ZC3H7A: variants seen among roughly 807,000 people sequenced by gnomAD.
ZC3H7A encodes zinc finger CCCH domain-containing protein 7A.
ZC3H7A carries 44 observed loss-of-function variants against 125.5 expected under a neutral mutation model. The observed-to-expected ratio is 0.35, with a 90% CI of 0.28 to 0.45. ZC3H7A has a LOEUF of 0.45. Among genes scored for constraint, ZC3H7A ranks in the 20% least tolerant of loss-of-function variants. The pLI is 1.00. For missense variants in ZC3H7A, 977 were observed against 1,170.7 expected (o/e 0.83, Z 2.41); for synonymous variants, 399 against 391.2 (o/e 1.02, Z -0.23).
At chr16:11,781,497 C>G (rs372671425) in intron 2 of ZC3H7A, 33 bp from the exon 3 acceptor site, 1 of 1,599,986 alleles carries the variant, frequency 6.3e-7, no homozygotes, top group Non-Finnish European at 8.5e-7. Flanking sequence ...CTGTAATTAT[C>G]AAGCTCCTTA....
At chr16:11,770,280 G>C (rs2052957053) in intron 10 of ZC3H7A, among the ~76,000 whole-genome samples, 1 of 152,170 alleles carries the variant, frequency 6.6e-6, no homozygotes, top group Admixed American at 6.5e-5. Flanking sequence ...TAGGATGACA[G>C]AAACAGGAGT....
At position 11,770,764 on chromosome 16, in the gene ZC3H7A, A is replaced by C. The variant is rs774808119; in HGVS notation, c.1108+19T>G. The C allele has an allele frequency of 1.3e-6, 2 of 1,592,694 alleles. No individual in the cohort carries two copies. The highest frequency in any genetic ancestry group is 1.7e-6 in the Non-Finnish European group (2 of 1,166,192). ...AGAAAATCAACTGCAATTGTTTACA[A>C]TTTAGATTTGGTTCTTACCTCGTTT... On this transcript the variant is annotated intron_variant, in intron 10 of 22. Coordinates refer to ENST00000355758, the MANE Select transcript of ZC3H7A (RefSeq NM_014153.4).
At position 11,774,254 on chromosome 16, in the gene ZC3H7A, T is replaced by C; in HGVS notation, c.885A>G (p.Glu295=). Residue 295 remains glutamate, a synonymous_variant, in exon 9 of 23, where the codon GAA becomes GAG. Coordinates refer to ENST00000355758, the MANE Select transcript of ZC3H7A (RefSeq NM_014153.4). The part of the protein sequence containing the change: ...ELDDLLDSAP[E]TNETVMPSAL... ...AACTTACCATAACAGTTTCATTAGT[T>C]TCAGGTGCAGAATCAAGCAGGTCAT... 1.3e-6 allele frequency: 2 copies of C among 1,591,694 alleles called. No individual in the cohort carries two copies. The highest frequency in any genetic ancestry group is 8.6e-7 in the Non-Finnish European group (1 of 1,165,192).
At chr16:11,774,775 C>T (rs1344582855) in intron 8 of ZC3H7A, among the ~76,000 whole-genome samples, 1 of 152,168 alleles carries the variant, frequency 6.6e-6, no homozygotes, top group African/African-American at 2.4e-5. Context: ...TCAGTGATTG[C>T]TTACTAACAT....
chr16:11,769,024 C>G lies in ZC3H7A; in HGVS notation c.1173+7G>C, dbSNP rs1217850388. The G allele has an allele frequency of 1.9e-6, 3 of 1,601,740 alleles. No homozygotes were observed. The African/African-American group carries it at 4.0e-5, about 22-fold the overall frequency. ...GATGTATTTACAAAAGAGGAAGTGG[C>G]ACTTACAAGTAAAAGGGAAGAATTA... On this transcript the variant is annotated splice_region_variant and intron_variant, in intron 11 of 22. Transcript: ENST00000355758.
Position 11,770,875 on chromosome 16 carries a change from G to T in ZC3H7A, c.1016C>A (p.Pro339His). 2 of 1,614,172 alleles carry T rather than the reference G, an allele frequency of 1.2e-6. No homozygotes were observed. Among genetic ancestry groups the T allele is most frequent in the Non-Finnish European group, 1.7e-6 (2 of 1,180,028 alleles). Residue 339 changes from proline (P) to histidine (H), a missense_variant, in exon 10 of 23, where the codon CCC (proline) becomes CAC (histidine). Physicochemically the swap from Pro to His is moderately conservative, Grantham distance 77 (BLOSUM62 -2). Coordinates refer to ENST00000355758, the MANE Select transcript of ZC3H7A (RefSeq NM_014153.4). ...LPIGARYAPP[P>H]SFSEFYPPLT... is the part of the protein sequence containing the mutation. ...AGGTGGATAAAATTCTGAGAAGGAG[G>T]GTGGAGGAGCATACCTCGCACCAAT...
chr16:11,773,335 T>A (rs1241657306), intron 9 of ZC3H7A, among the ~76,000 whole-genome samples: 1 of 151,962 alleles, frequency 6.6e-6, no homozygotes, highest in African/African-American at 2.4e-5. Flanking sequence ...CGCACCACTA[T>A]GCCAGGCTGT....
chr16:11,777,267 C>G (rs919925610), intron 4 of ZC3H7A, among the ~76,000 whole-genome samples: 6 of 152,078 alleles, frequency 3.9e-5, no homozygotes. Context: ...ATTAAGATGT[C>G]AAACAGAAAC....
intron 9 of ZC3H7A, among the ~76,000 whole-genome samples, chr16:11,773,512 C>T (rs1040387882): frequency 3.3e-5 from 5 of 151,810 alleles, no homozygotes; most frequent in Admixed American, 2.6e-4. Context: ...GGTAATAGGC[C>T]AGATTTAGCC....
In ZC3H7A at chr16:11,767,482, G is replaced by A; in HGVS notation, c.1457C>T (p.Ser486Leu). The change falls in exon 13 of 23, where the codon TCA (serine) becomes TTA (leucine). Residue 486 changes from serine (S) to leucine (L), a missense_variant. Ser to Leu is a moderately radical substitution (Grantham distance 145, BLOSUM62 -2). Transcript: ENST00000355758. ...IGRIKNVEDK[S>L]WKKIRPRPTK... Reference sequence around the variant, plus strand: ...TGGTCTTGGACGTATTTTTTTCCATGATTTATCTTCAACATTCTTTATCCT... The same window carrying A: ...TGGTCTTGGACGTATTTTTTTCCATAATTTATCTTCAACATTCTTTATCCT... 1 of 1,611,232 alleles carries A rather than the reference G, an allele frequency of 6.2e-7. No individual in the cohort carries two copies. The highest frequency in any genetic ancestry group is 8.5e-7 in the Non-Finnish European group (1 of 1,178,318).
At chr16:11,781,394 G>T in intron 3 of ZC3H7A, 31 bp downstream of exon 3, 1 of 1,592,642 alleles carries the variant, frequency 6.3e-7, no homozygotes, top group Non-Finnish European at 8.6e-7. Context: ...CACTTGCAGA[G>T]CTTTCAAGCA....
intron 1 of ZC3H7A, chr16:11,796,706 A>G: frequency 6.6e-6 from 1 of 152,278 alleles, no homozygotes. Flanking sequence ...ATGAGCCCCA[A>G]ATTAATGCGC....
chr16:11,752,512 C>T (rs553351729), intron 22 of ZC3H7A, among the ~76,000 whole-genome samples, 157 bp downstream of exon 22: 1 of 152,272 alleles, frequency 6.6e-6, no homozygotes, highest in Non-Finnish European at 1.5e-5. Flanking sequence ...TGATGAGCAG[C>T]GAAACACTTT....
At chr16:11,769,206 G>T (rs2052923526) in intron 10 of ZC3H7A, 111 bp from the exon 11 acceptor site, 2 of 895,856 alleles carry the variant, frequency 2.2e-6, no homozygotes, top group Non-Finnish European at 3.2e-6. Context: ...TCCCGTCCCA[G>T]TTTCTAGAAA....
Position 11,771,128 on chromosome 16 carries a change from C to T in ZC3H7A, c.904-141G>A, listed in dbSNP as rs1464720138. ...CAAAGTTTAGGCCAGGCATGGTGGC[C>T]TGTAATCCTAACACTTTGGGAGGCT... On this transcript the variant is annotated intron_variant, in intron 9 of 22. Coordinates refer to ENST00000355758, the MANE Select transcript of ZC3H7A (RefSeq NM_014153.4). 12 of 852,886 alleles carry T rather than the reference C, an allele frequency of 1.4e-5. No individual in the cohort carries two copies. The East Asian group carries it at 3.0e-4, about 21-fold the overall frequency. 52.8% of individuals were successfully genotyped at this position (852,886 alleles called of 1,614,324 possible).
intron 1 of ZC3H7A, among the ~76,000 whole-genome samples, chr16:11,794,028 G>T (rs778310333): frequency 6.6e-6 from 1 of 152,102 alleles, no homozygotes; most frequent in Non-Finnish European, 1.5e-5. Flanking sequence ...AGCCTCCCTC[G>T]GCACCCACGC....
chr16:11,778,436 CAAAAA>C (rs754842530), intron 4 of ZC3H7A, among the ~76,000 whole-genome samples: 4 of 74,090 alleles, frequency 5.4e-5, no homozygotes, highest in African/African-American at 1.1e-4. Flanking sequence ...GACACTGTCT[CAAAAA>C]AAAAAAAAAA....
At chr16:11,792,750 C>T (rs2053373993) in intron 1 of ZC3H7A, among the ~76,000 whole-genome samples, 1 of 152,220 alleles carries the variant, frequency 6.6e-6, no homozygotes, top group Non-Finnish European at 1.5e-5. Flanking sequence ...CAAAGGCAGA[C>T]AGCCTGGCTC....
intron 1 of ZC3H7A, among the ~76,000 whole-genome samples, chr16:11,788,447 T>C (rs895299774): frequency 2.0e-5 from 3 of 152,126 alleles, no homozygotes; most frequent in Admixed American, 6.5e-5. Context: ...CTCACAGACA[T>C]CCTAAACTGT....
Sources: gnomAD v4.1 joint callset for allele counts (sites outside exome capture counted in the v4.1 genomes callset) on GRCh38, gnomAD v4.1.1 for gene constraint, MANE v1.5 for transcripts, NCBI Gene and HGNC (gene_info 2026-07-23, HGNC 2026-07-21) for gene names.